Variants in MGA observed in about 807,000 individuals in gnomAD.
MGA encodes the protein MAX dimerization protein MGA.
A neutral mutation model predicts 261.1 loss-of-function variants in MGA; 40 were observed. That is an observed-to-expected ratio of 0.15 (90% CI 0.12 to 0.20). The LOEUF is 0.20. MGA is among the 10% of genes least tolerant of loss of function. MGA has a pLI of 1.00. For synonymous variants in MGA, 1,302 were observed against 1,290.6 expected, an observed-to-expected ratio of 1.01 and a Z score of -0.19; for missense variants, 3,397 against 3,630.5, an observed-to-expected ratio of 0.94 and a Z score of 1.65.
intron 13 of MGA, 50 bp downstream of exon 13, chr15:41,736,748 A>AGT: frequency 6.8e-7 from 1 of 1,474,316 alleles, no homozygotes; most frequent in African/African-American, 1.4e-5. Flanking sequence ...ACACCTAGGT[A>AGT]GTATCATGAT....
chr15:41,762,349 A>G lies in MGA; in HGVS notation c.7731A>G (p.Lys2577=). 1 of 1,613,486 alleles carries G rather than the reference A, an allele frequency of 6.2e-7. No individual in the cohort carries two copies. The highest frequency in any genetic ancestry group is 1.7e-5 in the Admixed American group (1 of 59,980). ...AACCTTTGATTCTTTCCAGAAAAAA[A>G]GACCAGGCCACAGGTAGGAGGGACA... Residue 2577 remains lysine, a synonymous_variant, in exon 22 of 24, where the codon AAA becomes AAG. Transcript: ENST00000219905.
intron 5 of MGA, among the ~76,000 whole-genome samples, chr15:41,705,834 A>G (rs758139685): frequency 6.6e-6 from 1 of 152,234 alleles, no homozygotes; most frequent in Non-Finnish European, 1.5e-5. Flanking sequence ...AAGATTAGAA[A>G]TCATTGTTTT....
chr15:41,676,744 T>C (rs987563202), intron 2 of MGA, among the ~76,000 whole-genome samples: 87 of 152,246 alleles, frequency 5.7e-4, no homozygotes, highest in African/African-American at 2.0e-3. Context: ...ATACAGTGAT[T>C]AATTCTTAGG....
At chr15:41,637,566 G>A (rs2056736012) in intron 1 of MGA, among the ~76,000 whole-genome samples, 1 of 152,150 alleles carries the variant, frequency 6.6e-6, no homozygotes, top group African/African-American at 2.4e-5. Context: ...AAAGCCGATT[G>A]TGTCCAACGA....
chr15:41,636,205 T>G (rs946822297), intron 1 of MGA, among the ~76,000 whole-genome samples: 3 of 150,900 alleles, frequency 2.0e-5, no homozygotes, highest in African/African-American at 7.3e-5. Flanking sequence ...GTGGGGTGAT[T>G]GAAGCTCACT....
intron 1 of MGA, among the ~76,000 whole-genome samples, chr15:41,647,421 C>G (rs1442133339): frequency 1.3e-5 from 2 of 152,078 alleles, no homozygotes; most frequent in East Asian, 3.8e-4. Flanking sequence ...TGTGAATATT[C>G]TGTTGTACTA....
rs998590613 is a variant in MGA at position 41,768,970 on chromosome 15, C to G, written c.*1690C>G. Reference sequence around the variant, plus strand: ...CTAGATCTGCTCATCAGCACTTAACCTTCCCTCCTCTAAAGGTTACTAAAG... The same window carrying G: ...CTAGATCTGCTCATCAGCACTTAACGTTCCCTCCTCTAAAGGTTACTAAAG... On this transcript the variant is annotated 3_prime_UTR_variant, in exon 24 of 24. Transcript: ENST00000219905. 1 of 152,604 alleles carries G rather than the reference C, an allele frequency of 6.6e-6. No individual in the cohort carries two copies. The highest frequency in any genetic ancestry group is 2.4e-5 in the African/African-American group (1 of 41,436). 9.5% of individuals were successfully genotyped at this position (152,604 alleles called of 1,614,324 possible).
At chr15:41,709,196 A>G (rs1219379970) in intron 7 of MGA, among the ~76,000 whole-genome samples, 3 of 152,020 alleles carry the variant, frequency 2.0e-5, no homozygotes, top group East Asian at 3.9e-4. Flanking sequence ...AAAAATGCAA[A>G]AACAGCCAGA....
intron 11 of MGA, among the ~76,000 whole-genome samples, chr15:41,730,851 A>G (rs2061473516): frequency 6.6e-6 from 1 of 152,226 alleles, no homozygotes; most frequent in Non-Finnish European, 1.5e-5. Context: ...CAATTCGAGC[A>G]TTAAGTGTAC....
At chr15:41,665,232 TGAA>T (rs944868224) in intron 1 of MGA, among the ~76,000 whole-genome samples, 107 of 152,328 alleles carry the variant, frequency 7.0e-4, no homozygotes, top group African/African-American at 2.5e-3. Context: ...TTAATTATAA[TGAA>T]GAAGACTAAT....
chr15:41,675,748 C>T (rs146257719), intron 2 of MGA, among the ~76,000 whole-genome samples: 29 of 152,052 alleles, frequency 1.9e-4, no homozygotes, highest in African/African-American at 5.8e-4. Context: ...CTTTGCCATC[C>T]CCTTTTGTAT....
intron 1 of MGA, among the ~76,000 whole-genome samples, chr15:41,639,243 TG>T (rs1739785200): frequency 6.6e-6 from 1 of 152,230 alleles, no homozygotes; most frequent in Non-Finnish European, 1.5e-5. Context: ...TTCTCTTGTG[TG>T]GCTCTACTAT....
intron 2 of MGA, among the ~76,000 whole-genome samples, chr15:41,684,864 G>C (rs566326737): frequency 6.6e-6 from 1 of 152,186 alleles, no homozygotes; most frequent in South Asian, 2.1e-4. Flanking sequence ...TGATTGGCTT[G>C]TGGCTTTTCT....
At chr15:41,626,670 G>A (rs901547734) in intron 1 of MGA, among the ~76,000 whole-genome samples, 9 of 152,168 alleles carry the variant, frequency 5.9e-5, no homozygotes, top group Admixed American at 2.0e-4. Flanking sequence ...AGATCCACCC[G>A]CCTTGGCTTC....
Position 41,673,961 on chromosome 15 carries a change from G to A in MGA, c.1064+4003G>A, listed in dbSNP as rs560613948. Among the ~76,000 whole-genome samples, 68 of 152,116 alleles carry A rather than the reference G, an allele frequency of 4.5e-4. No individual in the cohort carries two copies. In the South Asian group the frequency reaches 0.011, roughly 24 times the overall value. On this transcript the variant is annotated intron_variant, in intron 2 of 23. Coordinates refer to ENST00000219905, the MANE Select transcript of MGA (RefSeq NM_001164273.2). ...GGCTGAAGCGCAGTGGCGCGATCTC[G>A]ACTCACGGAAACCTCCGCCTCTTGG...
At chr15:41,645,574 ACT>A (rs1400795362) in intron 1 of MGA, among the ~76,000 whole-genome samples, 2 of 152,090 alleles carry the variant, frequency 1.3e-5, no homozygotes, top group African/African-American at 4.8e-5. Context: ...ACAGAGTGAG[ACT>A]CTGTCTGAAA....
intron 2 of MGA, among the ~76,000 whole-genome samples, chr15:41,689,499 GTATT>G (rs1445543467): frequency 2.7e-5 from 4 of 149,038 alleles, no homozygotes; most frequent in South Asian, 2.1e-4. Flanking sequence ...TTATATTTAC[GTATT>G]TATTTATTTG....
chr15:41,699,783 T>A (rs1324798979), intron 5 of MGA, among the ~76,000 whole-genome samples: 1 of 152,150 alleles, frequency 6.6e-6, no homozygotes, highest in South Asian at 2.1e-4. Context: ...TTTTTATAAT[T>A]TTGGAGGAAG....
At chr15:41,640,095 C>G (rs1007242861) in intron 1 of MGA, among the ~76,000 whole-genome samples, 1 of 152,112 alleles carries the variant, frequency 6.6e-6, no homozygotes, top group East Asian at 1.9e-4. Flanking sequence ...TGAAAATACT[C>G]GACTTTAAGA....
Sources: gnomAD v4.1 joint callset for allele counts (sites outside exome capture counted in the v4.1 genomes callset) on GRCh38, gnomAD v4.1.1 for gene constraint, MANE v1.5 for transcripts, NCBI Gene and HGNC (gene_info 2026-07-23, HGNC 2026-07-21) for gene names.